The following SUZ12 variants were observed in gnomAD, a reference collection of about 807,000 sequenced individuals.
The protein encoded by SUZ12 is polycomb protein SUZ12.
In SUZ12, 17 loss-of-function variants were observed where a neutral mutation model predicts 87.3. That is an observed-to-expected ratio of 0.19 (90% CI 0.13 to 0.29). The LOEUF is 0.29. SUZ12 is among the 10% of genes least tolerant of loss of function. The pLI is 1.00. For synonymous variants in SUZ12, 253 were observed against 312.4 expected (o/e 0.81, Z 2.01); for missense variants, 526 against 912.2 (o/e 0.58, Z 5.45).
chr17:31,993,938 A>G lies in SUZ12; in HGVS notation c.1367A>G (p.Asn456Ser), dbSNP rs1289283130. The change falls in exon 12 of 16, where the codon AAC becomes AGC. Residue 456 changes from asparagine (N) to serine (S), a missense_variant. By Grantham distance (46) the Asn-to-Ser change is conservative. Coordinates refer to ENST00000322652, the MANE Select transcript of SUZ12 (RefSeq NM_015355.4). The part of the protein sequence containing the change: ...DDLHCPWCTL[N>S]CRKLYSLLKH... ...CTGCATTGCCCTTGGTGTACTCTGA[A>G]CTGCCGCAAACTTTATAGTTTACTC... The G allele has an allele frequency of 1.2e-6, 2 of 1,614,028 alleles. No homozygotes were observed. The highest frequency in any genetic ancestry group is 1.7e-6 in the Non-Finnish European group (2 of 1,180,000).
At chr17:31,981,543 A>G (rs575678415) in intron 8 of SUZ12, among the ~76,000 whole-genome samples, 1 of 152,348 alleles carries the variant, frequency 6.6e-6, no homozygotes, top group South Asian at 2.1e-4. Context: ...TCTATGTAAA[A>G]GCATAAGGAA....
chr17:31,992,679 G>T (rs1189499863), intron 10 of SUZ12, among the ~76,000 whole-genome samples: 1 of 152,010 alleles, frequency 6.6e-6, no homozygotes, highest in Non-Finnish European at 1.5e-5. Context: ...CAAAGCACTG[G>T]GATTACAGGT....
At chr17:31,955,747 CA>C (rs1310050450) in intron 4 of SUZ12, among the ~76,000 whole-genome samples, 3 of 151,584 alleles carry the variant, frequency 2.0e-5, no homozygotes, top group African/African-American at 7.3e-5. Context: ...GACTACATCT[CA>C]AAAAAACTTA....
chr17:31,995,862 T>TAAAAA, intron 14 of SUZ12, 100 bp downstream of exon 14: 2 of 701,230 alleles, frequency 2.9e-6, no homozygotes, highest in Non-Finnish European at 4.4e-6. Flanking sequence ...GAACTTTTTT[T>TAAAAA]AAAAAAAAAA....
chr17:31,992,149 G>A (rs1036528553), intron 10 of SUZ12, among the ~76,000 whole-genome samples: 4 of 151,666 alleles, frequency 2.6e-5, no homozygotes, highest in Admixed American at 2.6e-4. Context: ...AAAATCAGCC[G>A]GGTGTGGTGG....
intron 6 of SUZ12, among the ~76,000 whole-genome samples, chr17:31,973,446 T>G (rs1452592892): frequency 6.6e-6 from 1 of 151,960 alleles, no homozygotes; most frequent in Non-Finnish European, 1.5e-5. Flanking sequence ...TACAAAACTT[T>G]CTCATAGGAG....
chr17:31,985,744 C>T (rs1909371964), intron 9 of SUZ12, among the ~76,000 whole-genome samples: 1 of 151,536 alleles, frequency 6.6e-6, no homozygotes, highest in Non-Finnish European at 1.5e-5. Flanking sequence ...CTCACTGCAA[C>T]CTCCGCCTCC....
chr17:31,985,863 A>G (rs1473239947), intron 9 of SUZ12, among the ~76,000 whole-genome samples: 1 of 151,866 alleles, frequency 6.6e-6, no homozygotes, highest in Non-Finnish European at 1.5e-5. Context: ...GAGTTTCACC[A>G]TGTTGGCCAG....
intron 10 of SUZ12, among the ~76,000 whole-genome samples, chr17:31,990,740 A>G (rs1197923290): frequency 2.0e-5 from 3 of 151,938 alleles, no homozygotes; most frequent in East Asian, 1.9e-4. Flanking sequence ...GCAGTGTTCT[A>G]TCATTTTTAT....
chr17:31,948,251 C>T (rs1171001056), intron 4 of SUZ12, among the ~76,000 whole-genome samples: 1 of 152,086 alleles, frequency 6.6e-6, no homozygotes, highest in Non-Finnish European at 1.5e-5. Flanking sequence ...ATACCTAGAA[C>T]GAATCCCTAA....
chr17:31,959,323 A>G lies in SUZ12; in HGVS notation c.456-6824A>G, dbSNP rs539755346. Reference sequence around the variant, plus strand: ...AACAAATTGTAAAAATATTCCTTGTATAATTTTTGGTTTTGTAGTAATTCC... The same window carrying G: ...AACAAATTGTAAAAATATTCCTTGTGTAATTTTTGGTTTTGTAGTAATTCC... On this transcript the variant is annotated intron_variant, in intron 4 of 15. Coordinates refer to ENST00000322652, the MANE Select transcript of SUZ12 (RefSeq NM_015355.4). Among the ~76,000 whole-genome samples, 5 of 152,326 alleles carry G rather than the reference A, an allele frequency of 3.3e-5. No individual in the cohort carries two copies. The South Asian group carries it at 1.0e-3, about 32-fold the overall frequency.
intron 4 of SUZ12, among the ~76,000 whole-genome samples, chr17:31,959,825 A>C (rs1395886356): frequency 6.6e-6 from 1 of 152,182 alleles, no homozygotes; most frequent in Non-Finnish European, 1.5e-5. Context: ...TTTTCTGTAG[A>C]CTGTATCAGA....
intron 4 of SUZ12, among the ~76,000 whole-genome samples, chr17:31,950,527 C>T (rs1906905547): frequency 1.3e-5 from 2 of 151,852 alleles, no homozygotes; most frequent in South Asian, 4.2e-4. Flanking sequence ...CTACAAAAAA[C>T]ACAAAAATCA....
Position 31,998,878 on chromosome 17 carries a change from G to A in SUZ12, c.2095G>A (p.Glu699Lys), listed in dbSNP as rs777349343. The A allele has an allele frequency of 9.9e-6, 16 of 1,613,440 alleles. No individual in the cohort carries two copies. Among genetic ancestry groups the A allele is most frequent in the Middle Eastern group, 1.7e-4 (1 of 6,058 alleles). Residue 699 changes from glutamate (E) to lysine (K), a missense_variant, in exon 16 of 16, where the codon GAA becomes AAA. This residue lies in a region of SUZ12 where 56 missense variants were observed against 56.6 expected (regional missense o/e 0.99). Transcript: ENST00000322652. ...GGGGGAATCTGCTTCCCCTGCAAAC[G>A]AAGAAATAACTGAAGAACAAAATGG... Reference protein sequence around the residue: ...EKGESASPANEEITEEQNGTA... With the variant: ...EKGESASPANKEITEEQNGTA...
At chr17:31,995,876 G>A (rs1418495044) in intron 14 of SUZ12, 114 bp downstream of exon 14, 44 of 755,390 alleles carry the variant, frequency 5.8e-5, no homozygotes, top group Non-Finnish European at 7.9e-5. Context: ...AAAAAAAAAA[G>A]GAATCCGGAA....
intron 4 of SUZ12, among the ~76,000 whole-genome samples, chr17:31,957,630 C>G (rs1005213112): frequency 1.3e-5 from 2 of 151,726 alleles, no homozygotes; most frequent in Non-Finnish European, 2.9e-5. Flanking sequence ...AGACTGGTCT[C>G]GAATTCCTGA....
chr17:31,938,756 C>T (rs1363762593), intron 1 of SUZ12, among the ~76,000 whole-genome samples: 1 of 152,124 alleles, frequency 6.6e-6, no homozygotes, highest in Admixed American at 6.5e-5. Flanking sequence ...TAAAATAAAA[C>T]CAATTGAAGA....
chr17:31,981,349 C>T (rs2449797), intron 8 of SUZ12, among the ~76,000 whole-genome samples: 1 of 152,114 alleles, frequency 6.6e-6, no homozygotes, highest in African/African-American at 2.4e-5. Flanking sequence ...ATTAAAACGA[C>T]AAAACATCTG....
In SUZ12 at chr17:31,950,137, G is replaced by C. The variant is rs1339402734; in HGVS notation, c.455+2452G>C. On this transcript the variant is annotated intron_variant, in intron 4 of 15. Transcript: ENST00000322652. ...AAGTAGCAGGGATTACAGGTGCCCG[G>C]CATCACACCGAACTAATTTTTTCTT... is the stretch of plus-strand genomic sequence containing the variant. 2.0e-5 allele frequency among the ~76,000 whole-genome samples: 3 copies of C among 151,904 alleles called. No individual in the cohort carries two copies. The South Asian group carries it at 6.2e-4, about 32-fold the overall frequency.
Sources: allele counts gnomAD v4.1 joint callset (sites outside exome capture counted in the v4.1 genomes callset), GRCh38; gene constraint gnomAD v4.1.1; regional missense constraint gnomAD v4.1.1; transcripts MANE v1.5; gene names NCBI Gene and HGNC (gene_info 2026-07-23, HGNC 2026-07-21).